RERE: variants seen among roughly 807,000 people sequenced by gnomAD.
RERE encodes arginine-glutamic acid dipeptide repeats.
In RERE, 40 loss-of-function variants were observed where a neutral mutation model predicts 146.1. The ratio of observed to expected loss-of-function variants is 0.27; its 90% CI spans 0.21 to 0.36. The LOEUF (loss-of-function observed/expected upper bound fraction) is 0.36, where lower values mean the gene tolerates loss of function less well. RERE is among the 10% of genes least tolerant of loss of function. The pLI, the probability that RERE is intolerant of heterozygous loss-of-function variation, is 1.00. For synonymous variants in RERE, 1,003 were observed against 866.0 expected (o/e 1.16, Z -2.78); for missense variants, 1,933 against 2,138.7 (o/e 0.90, Z 1.90).
At chr1:8,500,458 A>G (rs1450218421) in intron 8 of RERE, among the ~76,000 whole-genome samples, 1 of 152,236 alleles carries the variant, frequency 6.6e-6, no homozygotes, top group Non-Finnish European at 1.5e-5. Context: ...GTGATCCGCC[A>G]GCCTCGGCCT....
intron 1 of RERE, among the ~76,000 whole-genome samples, chr1:8,668,772 G>A (rs1638634652): frequency 6.6e-6 from 1 of 152,208 alleles, no homozygotes. Flanking sequence ...CATAGGGACA[G>A]AGAGCAGATT....
At chr1:8,793,026 G>C (rs1042160002) in intron 1 of RERE, among the ~76,000 whole-genome samples, 1 of 151,722 alleles carries the variant, frequency 6.6e-6, no homozygotes, top group Non-Finnish European at 1.5e-5. Context: ...GCATGGTGGC[G>C]GGCGCCTGTA....
At chr1:8,435,814 CTAGATAAT>C (rs1228627556) in intron 11 of RERE, among the ~76,000 whole-genome samples, 1 of 152,210 alleles carries the variant, frequency 6.6e-6, no homozygotes, top group Non-Finnish European at 1.5e-5. Flanking sequence ...CCCTCTGGGT[CTAGATAAT>C]TACACTGAGT....
At chr1:8,439,160 TTCTC>T (rs1165804676) in intron 11 of RERE, among the ~76,000 whole-genome samples, 12 of 152,330 alleles carry the variant, frequency 7.9e-5, no homozygotes, top group Admixed American at 3.3e-4. Context: ...AACAACAGAC[TTCTC>T]TCTGTCAAAA....
At chr1:8,605,028 C>T (rs926121872) in intron 4 of RERE, among the ~76,000 whole-genome samples, 3 of 152,220 alleles carry the variant, frequency 2.0e-5, no homozygotes, top group African/African-American at 7.2e-5. Flanking sequence ...GGAAATTGTA[C>T]CACGAAATCT....
At chr1:8,636,570 A>G (rs889300452) in intron 2 of RERE, among the ~76,000 whole-genome samples, 1 of 151,752 alleles carries the variant, frequency 6.6e-6, no homozygotes, top group African/African-American at 2.4e-5. Context: ...CAATAATAAT[A>G]TTAAATAAAA....
At chr1:8,534,473 C>T (rs1411776459) in intron 7 of RERE, among the ~76,000 whole-genome samples, 3 of 152,022 alleles carry the variant, frequency 2.0e-5, no homozygotes, top group Admixed American at 6.6e-5. Context: ...ATTATATATG[C>T]GATAGATACA....
At chr1:8,472,337 A>G (rs190234825) in intron 10 of RERE, among the ~76,000 whole-genome samples, 2 of 152,346 alleles carry the variant, frequency 1.3e-5, no homozygotes, top group East Asian at 3.9e-4. Flanking sequence ...TTCAAATTCT[A>G]AACACCTGAT....
At chr1:8,489,997 C>T (rs543042052) in intron 10 of RERE, among the ~76,000 whole-genome samples, 2 of 149,718 alleles carry the variant, frequency 1.3e-5, no homozygotes, top group Admixed American at 6.7e-5. Flanking sequence ...TCGCAGTAAG[C>T]GTAGATCGCA....
intron 4 of RERE, among the ~76,000 whole-genome samples, chr1:8,612,266 T>C (rs1646801705): frequency 6.6e-6 from 1 of 152,198 alleles, no homozygotes; most frequent in Non-Finnish European, 1.5e-5. Flanking sequence ...AGCAGCTCTC[T>C]CATTACACTG....
chr1:8,466,590 G>C (rs1644601129), intron 10 of RERE, among the ~76,000 whole-genome samples: 1 of 151,982 alleles, frequency 6.6e-6, no homozygotes, highest in South Asian at 2.1e-4. Context: ...TTTCTTTTTA[G>C]CATTTCTTAA....
At chr1:8,691,212 G>C (rs1570613622) in intron 1 of RERE, among the ~76,000 whole-genome samples, 2 of 152,206 alleles carry the variant, frequency 1.3e-5, no homozygotes, top group East Asian at 3.9e-4. Context: ...AATTTTACAA[G>C]CAAATGGCTC....
chr1:8,417,725 C>T (rs1643816019), intron 12 of RERE, among the ~76,000 whole-genome samples: 1 of 152,152 alleles, frequency 6.6e-6, no homozygotes. Context: ...CCACACTCAC[C>T]CATACACATT....
intron 12 of RERE, among the ~76,000 whole-genome samples, chr1:8,389,810 T>C (rs905975043): frequency 1.3e-5 from 2 of 152,208 alleles, no homozygotes; most frequent in African/African-American, 2.4e-5. Context: ...TATACATTAA[T>C]AGTTTTCCAT....
intron 1 of RERE, among the ~76,000 whole-genome samples, chr1:8,755,874 G>C (rs910394658): frequency 6.6e-6 from 1 of 152,058 alleles, no homozygotes; most frequent in African/African-American, 2.4e-5. Context: ...AGACCAGCCC[G>C]GGCAATATAG....
intron 1 of RERE, among the ~76,000 whole-genome samples, chr1:8,757,460 G>C (rs1284444437): frequency 6.6e-6 from 1 of 152,066 alleles, no homozygotes; most frequent in African/African-American, 2.4e-5. Flanking sequence ...ATACTAAATA[G>C]GATGCTCCAT....
At chr1:8,643,865 T>C (rs1297645467) in intron 2 of RERE, among the ~76,000 whole-genome samples, 2 of 152,192 alleles carry the variant, frequency 1.3e-5, no homozygotes, top group Non-Finnish European at 2.9e-5. Context: ...AGTGAAAGTT[T>C]AAATTCTCAC....
At position 8,365,844 on chromosome 1, in the gene RERE, T is replaced by C. The variant is rs759219487; in HGVS notation, c.1415A>G (p.Asn472Ser). The stretch of plus-strand genomic sequence containing the variant: ...ACTGGACGGGGGTCTGGAGGGTGTG[T>C]TGACGGGTGTGGACGCGGTGCGAGT... ...IKTRTASTPV[N>S]TPSRPPSSEF... Residue 472 changes from asparagine to serine, a missense_variant, in exon 13 of 23, where the codon AAC (asparagine) becomes AGC (serine). Around this residue, in one of 11 missense-constraint regions of RERE, gnomAD observed 260 missense variants for 378.4 expected, o/e 0.69. Coordinates refer to ENST00000400908, the MANE Select transcript of RERE (RefSeq NM_001042681.2). 99 of 1,614,056 alleles carry C rather than the reference T, an allele frequency of 6.1e-5. No individual in the cohort carries two copies. The highest frequency in any genetic ancestry group is 8.1e-5 in the Non-Finnish European group (96 of 1,180,050).
In RERE at chr1:8,423,582, C is replaced by T. The variant is rs1570206548; in HGVS notation, c.1204-775G>A. On this transcript the variant is annotated intron_variant, in intron 11 of 22. Transcript: ENST00000400908. The surrounding 1 kb of genome is among the most constrained non-coding windows in gnomAD (Gnocchi z 5.4). ...CCACCTCGGGGCTCCCAGCCTGGTC[C>T]CGGGCGGCCGACCCCAGCAGCCACA... The T allele has an allele frequency of 1.0e-6, 1 of 985,174 alleles. No homozygotes were observed. The highest frequency in any genetic ancestry group is 1.2e-6 in the Non-Finnish European group (1 of 829,918). The allele number at this position is 985,174 out of a possible 1,614,324, so 61.0% of individuals were successfully genotyped here. A position where few individuals can be genotyped will look rare whatever the true frequency, so the allele number is the denominator to read the frequency against.
Sources: allele counts gnomAD v4.1 joint callset (sites outside exome capture counted in the v4.1 genomes callset), GRCh38; gene constraint gnomAD v4.1.1; regional missense constraint gnomAD v4.1.1; non-coding constraint Gnocchi (gnomAD v3.1); transcripts MANE v1.5; gene names NCBI Gene and HGNC (gene_info 2026-07-23, HGNC 2026-07-21).